KCNQ1: variants seen among roughly 807,000 people sequenced by gnomAD.
The protein encoded by KCNQ1 is potassium voltage-gated channel subfamily KQT member 1.
Under a neutral mutation model 72.4 loss-of-function variants are expected in KCNQ1, and 49 were observed. That is an observed-to-expected ratio of 0.68 (90% CI 0.54 to 0.86). The LOEUF (loss-of-function observed/expected upper bound fraction) is 0.86, where lower values mean the gene tolerates loss of function less well. Among genes scored for constraint, KCNQ1 ranks in the 40% least tolerant of loss-of-function variants. The pLI, the probability that KCNQ1 is intolerant of heterozygous loss-of-function variation, is 0.00. For missense variants in KCNQ1, 790 were observed against 945.1 expected (o/e 0.84, Z 2.15); for synonymous variants, 450 against 412.6 (o/e 1.09, Z -1.10).
rs746877883 is a variant in KCNQ1 at position 2,679,896 on chromosome 11, T to A, written c.1514+17815T>A. On this transcript the variant is annotated intron_variant, in intron 11 of 15. Transcript: ENST00000155840. This position sits in a 1 kb window ranked among gnomAD's most constrained non-coding sequence, Gnocchi z 4.8. ...GAACTAGCACGCCTAATTTTTTTTT[T>A]ATTTTTATTTTTTTTGAGGCAGAGT... 1 of 397,944 alleles carries A rather than the reference T, an allele frequency of 2.5e-6. No homozygotes were observed. Among genetic ancestry groups the A allele is most frequent in the Non-Finnish European group, 4.4e-6 (1 of 226,030 alleles). The allele number at this position is 397,944 out of a possible 1,614,324, so 24.7% of individuals were successfully genotyped here.
Position 2,762,067 on chromosome 11 carries a change from C to T in KCNQ1, c.1515-6777C>T, listed in dbSNP as rs962942654. On this transcript the variant is annotated intron_variant, in intron 11 of 15. Transcript: ENST00000155840. The surrounding 1 kb of genome is among the most constrained non-coding windows in gnomAD (Gnocchi z 4.3). ...GTGACAGCCAGTGGTAGACCCTTCA[C>T]GGTCAGGCACCTATGACTCCCCGTT... Among the ~76,000 whole-genome samples, 3 of 152,208 alleles carry T rather than the reference C, an allele frequency of 2.0e-5. No individual in the cohort carries two copies. The highest frequency in any genetic ancestry group is 2.4e-5 in the African/African-American group (1 of 41,438).
At chr11:2,510,671 G>A (rs866475759) in intron 1 of KCNQ1, among the ~76,000 whole-genome samples, 3 of 152,234 alleles carry the variant, frequency 2.0e-5, no homozygotes, top group Non-Finnish European at 4.4e-5. Flanking sequence ...TGAAATTGAA[G>A]CCGCACTGGT....
intron 11 of KCNQ1, among the ~76,000 whole-genome samples, chr11:2,722,142 T>G (rs1016787673): frequency 6.6e-6 from 1 of 152,114 alleles, no homozygotes; most frequent in African/African-American, 2.4e-5. Context: ...GGATCAAGCT[T>G]GGATCCTGAG....
In KCNQ1 at chr11:2,567,690, C is replaced by T. The variant is rs35951054; in HGVS notation, c.478-2938C>T. Among the ~76,000 whole-genome samples the T allele has an allele frequency of 0.097, 14,759 of 152,282 alleles. 803 individuals carry two copies. The highest frequency in any genetic ancestry group is 0.15 in the Admixed American group (2,311 of 15,304). ...GACAAGCGGGGCCTCCCCAGCCATG[C>T]AGCCTTGCACTGCCTTCCCACATCC... On this transcript the variant is annotated intron_variant, in intron 2 of 15. Transcript: ENST00000155840. The surrounding 1 kb of genome is among the most constrained non-coding windows in gnomAD (Gnocchi z 6.6).
chr11:2,548,174 G>T (rs1295771330), intron 2 of KCNQ1, among the ~76,000 whole-genome samples: 1 of 152,206 alleles, frequency 6.6e-6, no homozygotes, highest in African/African-American at 2.4e-5. Flanking sequence ...CTAAGCAGTG[G>T]CAGCTCAGAC....
rs1846867164 is a variant in KCNQ1 at position 2,783,831 on chromosome 11, T to G, written c.1794+5794T>G. On this transcript the variant is annotated intron_variant, in intron 15 of 15. Transcript: ENST00000155840. This position sits in a 1 kb window ranked among gnomAD's most constrained non-coding sequence, Gnocchi z 5.2. ...ATGTTTATTCAACTCTCTTGCCCAT[T>G]TTCTAATTAAGTAGTCTGTTCTATT... is the stretch of plus-strand genomic sequence containing the variant. 6.6e-6 allele frequency among the ~76,000 whole-genome samples: 1 copy of G among 152,090 alleles called. No individual in the cohort carries two copies. Among genetic ancestry groups the G allele is most frequent in the South Asian group, 2.1e-4 (1 of 4,832 alleles).
rs1415384223 is a variant in KCNQ1 at position 2,768,937 on chromosome 11, C to A, written c.1590+18C>A. The A allele has an allele frequency of 6.3e-7, 1 of 1,596,054 alleles. No homozygotes were observed. The highest frequency in any genetic ancestry group is 8.6e-7 in the Non-Finnish European group (1 of 1,163,938). Reference sequence around the variant, plus strand: ...AATTCCAGGTAAGCCCTGTGCTGAGCCTTCCTGCCCTCAGCCTGCCCCTCG... The same window carrying A: ...AATTCCAGGTAAGCCCTGTGCTGAGACTTCCTGCCCTCAGCCTGCCCCTCG... On this transcript the variant is annotated intron_variant, in intron 12 of 15. Transcript: ENST00000155840. This position sits in a 1 kb window ranked among gnomAD's most constrained non-coding sequence, Gnocchi z 6.7.
intron 2 of KCNQ1, among the ~76,000 whole-genome samples, chr11:2,528,518 G>C (rs1028898546): frequency 6.6e-6 from 1 of 152,232 alleles, no homozygotes; most frequent in Non-Finnish European, 1.5e-5. Flanking sequence ...TGAGAGCAGG[G>C]CAGGGCAGGC....
intron 6 of KCNQ1, 59 bp from the exon 7 acceptor site, chr11:2,583,376 G>A: frequency 8.1e-7 from 1 of 1,233,354 alleles, no homozygotes; most frequent in African/African-American, 1.5e-5. Context: ...GGGTTAGGCA[G>A]TTGGCCCTCC....
chr11:2,835,443 C>A (rs1450083371), intron 15 of KCNQ1, among the ~76,000 whole-genome samples: 1 of 152,182 alleles, frequency 6.6e-6, no homozygotes, highest in East Asian at 1.9e-4. Flanking sequence ...ACATGCAGGC[C>A]AGGCTCCTCG....
At chr11:2,527,405 T>C (rs1265390051) in intron 1 of KCNQ1, among the ~76,000 whole-genome samples, 1 of 152,200 alleles carries the variant, frequency 6.6e-6, no homozygotes, top group Admixed American at 6.5e-5. Context: ...GGAAGTGATT[T>C]GTAAAATCAG....
At chr11:2,799,471 T>A (rs554880042) in intron 15 of KCNQ1, among the ~76,000 whole-genome samples, 15 of 151,932 alleles carry the variant, frequency 9.9e-5, no homozygotes, top group African/African-American at 3.6e-4. Flanking sequence ...GGTGTGTTTG[T>A]ATGTGAGGGC....
chr11:2,695,665 G>A lies in KCNQ1; in HGVS notation c.1514+33584G>A, dbSNP rs964628967. 2.5e-6 allele frequency: 1 copy of A among 398,586 alleles called. No homozygotes were observed. 24.7% of individuals were successfully genotyped at this position (398,586 alleles called of 1,614,324 possible). A position where few individuals can be genotyped will look rare whatever the true frequency, so the allele number is the denominator to read the frequency against. ...CACAGGTATAAAATATTTTATTTGAGGAAGAAGTGTTGGCCAGCTCTTCAG... is the reference window on the plus strand; with the variant it reads ...CACAGGTATAAAATATTTTATTTGAAGAAGAAGTGTTGGCCAGCTCTTCAG... On this transcript the variant is annotated intron_variant, in intron 11 of 15. Transcript: ENST00000155840. This position sits in a 1 kb window ranked among gnomAD's most constrained non-coding sequence, Gnocchi z 5.2.
At chr11:2,814,127 G>T (rs1275353253) in intron 15 of KCNQ1, among the ~76,000 whole-genome samples, 1 of 144,238 alleles carries the variant, frequency 6.9e-6, no homozygotes, top group African/African-American at 2.9e-5. Context: ...AAAGGGATGG[G>T]TGGATAATGG....
At chr11:2,770,157 TCCAGGCC>T (rs1341080746) in intron 12 of KCNQ1, among the ~76,000 whole-genome samples, 2 of 152,026 alleles carry the variant, frequency 1.3e-5, no homozygotes, top group African/African-American at 4.8e-5. Flanking sequence ...CACCTTCCAC[TCCAGGCC>T]CCAGGATTGA....
rs933879666 is a variant in KCNQ1, at chr11:2,659,777, A to AT, written c.1394-2174dup. 7.6e-5 allele frequency: 30 copies of AT among 394,238 alleles called. No individual in the cohort carries two copies. Among genetic ancestry groups the AT allele is most frequent in the African/African-American group, 1.5e-4 (7 of 48,114 alleles). 24.4% of individuals were successfully genotyped at this position (394,238 alleles called of 1,614,324 possible). Reference sequence around the variant, plus strand: ...AGTGGTTGGTATTGTCAGGTTTTGAATTTTTTTTTTAATTTATGGAATTTC... The same window carrying AT: ...AGTGGTTGGTATTGTCAGGTTTTGAATTTTTTTTTTTAATTTATGGAATTTC... On this transcript the variant is annotated intron_variant, in intron 10 of 15. Coordinates refer to ENST00000155840, the MANE Select transcript of KCNQ1 (RefSeq NM_000218.3). The surrounding 1 kb of genome is among the most constrained non-coding windows in gnomAD (Gnocchi z 4.3).
rs112052216 is a variant in KCNQ1, at chr11:2,482,189, CGT to C, written c.386+36718_386+36719del. Among the ~76,000 whole-genome samples the C allele has an allele frequency of 2.0e-5, 3 of 151,464 alleles. No individual in the cohort carries two copies. The highest frequency in any genetic ancestry group is 2.1e-4 in the South Asian group (1 of 4,788). ...CTGAGCAGGGTAACCCCTATCACTG[CGT>C]GTGTGTGTGTGTATATGTGTGTGTG... On this transcript the variant is annotated intron_variant, in intron 1 of 15. Coordinates refer to ENST00000155840, the MANE Select transcript of KCNQ1 (RefSeq NM_000218.3). This position sits in a 1 kb window ranked among gnomAD's most constrained non-coding sequence, Gnocchi z 5.7.
rs943255555 is a variant in KCNQ1, at chr11:2,541,548, A to G, written c.477+13530A>G. 1.4e-4 allele frequency among the ~76,000 whole-genome samples: 21 copies of G among 151,924 alleles called. No individual in the cohort carries two copies. Among genetic ancestry groups the G allele is most frequent in the African/African-American group, 5.1e-4 (21 of 41,372 alleles). ...CAGGTCCCTGGACCTGGCGGTGGCT[A>G]TGAAAGCCTGGGATTGAGGACAAAG... is the stretch of plus-strand genomic sequence containing the variant. On this transcript the variant is annotated intron_variant, in intron 2 of 15. Coordinates refer to ENST00000155840, the MANE Select transcript of KCNQ1 (RefSeq NM_000218.3). This position sits in a 1 kb window ranked among gnomAD's most constrained non-coding sequence, Gnocchi z 4.8.
At chr11:2,528,608 C>T (rs964789347) in intron 2 of KCNQ1, among the ~76,000 whole-genome samples, 1 of 152,244 alleles carries the variant, frequency 6.6e-6, no homozygotes, top group African/African-American at 2.4e-5. Flanking sequence ...CCAGCTGTGT[C>T]TGGAGCCCAC....
Sources: allele counts gnomAD v4.1 joint callset (sites outside exome capture counted in the v4.1 genomes callset), GRCh38; gene constraint gnomAD v4.1.1; non-coding constraint Gnocchi (gnomAD v3.1); transcripts MANE v1.5; gene names NCBI Gene and HGNC (gene_info 2026-07-23, HGNC 2026-07-21).